DLGAP2: variants seen among roughly 807,000 people sequenced by gnomAD.
The protein encoded by DLGAP2 is DLG associated protein 2, also known as disks large-associated protein 2.
DLGAP2 carries 26 observed loss-of-function variants against 100.3 expected under a neutral mutation model. The observed-to-expected ratio is 0.26, with a 90% CI of 0.19 to 0.36. The LOEUF (loss-of-function observed/expected upper bound fraction) is 0.36, where lower values mean the gene tolerates loss of function less well. Ranked by LOEUF, DLGAP2 falls within the 10% of genes least tolerant of loss-of-function variation. The pLI is 1.00. For missense variants in DLGAP2, 1,858 were observed against 1,453.2 expected (o/e 1.28, Z -4.53); for synonymous variants, 886 against 630.1 (o/e 1.41, Z -6.08).
chr8:1,025,156 G>A (rs539182521), intron 2 of DLGAP2, among the ~76,000 whole-genome samples: 13 of 152,126 alleles, frequency 8.5e-5, no homozygotes, highest in South Asian at 2.1e-4. Flanking sequence ...GTGTGTGTGC[G>A]CACGTGTGTG....
At chr8:974,663 G>T (rs917946071) in intron 2 of DLGAP2, among the ~76,000 whole-genome samples, 2 of 152,100 alleles carry the variant, frequency 1.3e-5, no homozygotes, top group African/African-American at 2.4e-5. Flanking sequence ...CGTCAAAGAA[G>T]AAGTCTCAAG....
intron 2 of DLGAP2, among the ~76,000 whole-genome samples, chr8:1,056,858 C>T (rs1802896908): frequency 6.6e-6 from 1 of 152,234 alleles, no homozygotes; most frequent in South Asian, 2.1e-4. Context: ...TCTAATTGTA[C>T]CTGGTAGGTA....
intron 2 of DLGAP2, among the ~76,000 whole-genome samples, chr8:1,205,555 A>C: frequency 6.6e-6 from 1 of 152,098 alleles, no homozygotes; most frequent in East Asian, 1.9e-4. Context: ...TGCTCTTAGG[A>C]AGCACCCTGG....
At chr8:976,062 G>C (rs971648058) in intron 2 of DLGAP2, among the ~76,000 whole-genome samples, 5 of 152,056 alleles carry the variant, frequency 3.3e-5, no homozygotes, top group Admixed American at 2.6e-4. Context: ...ATAAAAAATT[G>C]GAATTCGAAA....
intron 13 of DLGAP2, among the ~76,000 whole-genome samples, chr8:1,696,510 C>A (rs3901160): frequency 0.17 from 25,483 of 152,062 alleles, 2,665 homozygotes; most frequent in East Asian, 0.3. Flanking sequence ...AAATAACATA[C>A]ATAAATGTAG....
chr8:1,221,131 A>G (rs976837444), intron 2 of DLGAP2, among the ~76,000 whole-genome samples: 28 of 152,088 alleles, frequency 1.8e-4, no homozygotes, highest in African/African-American at 6.3e-4. Flanking sequence ...TGAAGATTCA[A>G]TTATGTCATG....
chr8:1,173,822 CA>C (rs1306815628), intron 2 of DLGAP2, among the ~76,000 whole-genome samples: 6 of 152,220 alleles, frequency 3.9e-5, no homozygotes, highest in African/African-American at 1.4e-4. Context: ...CTCTCTGACC[CA>C]TTGCGCTTCC....
Position 1,554,999 on chromosome 8 carries a change from C to A in DLGAP2, c.1230+5316C>A, listed in dbSNP as rs115500101. On this transcript the variant is annotated intron_variant, in intron 5 of 14. Transcript: ENST00000637795. ...GTGCTCAGCAGAATGAAAGAACTGGCCAGCCTGGCTGTGCTCCACTCTAAT... is the reference window on the plus strand; with the variant it reads ...GTGCTCAGCAGAATGAAAGAACTGGACAGCCTGGCTGTGCTCCACTCTAAT... Among the ~76,000 whole-genome samples the A allele has an allele frequency of 5.1e-3, 780 of 152,278 alleles. 5 individuals carry two copies. Among genetic ancestry groups the A allele is most frequent in the African/African-American group, 0.018 (742 of 41,522 alleles).
intron 2 of DLGAP2, among the ~76,000 whole-genome samples, chr8:1,143,300 G>T (rs1796553369): frequency 6.6e-6 from 1 of 152,182 alleles, no homozygotes; most frequent in South Asian, 2.1e-4. Context: ...ATCCTAAGCA[G>T]GGTGTCTGTC....
At chr8:1,119,488 C>G (rs1028945093) in intron 2 of DLGAP2, among the ~76,000 whole-genome samples, 2 of 152,174 alleles carry the variant, frequency 1.3e-5, no homozygotes, top group Non-Finnish European at 2.9e-5. Flanking sequence ...GCACAAGGCC[C>G]ATTGCTTCTC....
At chr8:1,329,624 C>T (rs1351597787) in intron 3 of DLGAP2, among the ~76,000 whole-genome samples, 5 of 152,034 alleles carry the variant, frequency 3.3e-5, no homozygotes, top group African/African-American at 7.3e-5. Flanking sequence ...CTGGGGTAGC[C>T]GAGGGGAATG....
chr8:1,098,401 G>A (rs1474392056), intron 2 of DLGAP2, among the ~76,000 whole-genome samples: 1 of 152,232 alleles, frequency 6.6e-6, no homozygotes, highest in Non-Finnish European at 1.5e-5. Context: ...CCCGACGTGT[G>A]ACTGGCTCCT....
At chr8:1,069,414 A>C (rs1037738028) in intron 2 of DLGAP2, among the ~76,000 whole-genome samples, 18 of 152,158 alleles carry the variant, frequency 1.2e-4, no homozygotes, top group African/African-American at 4.1e-4. Flanking sequence ...TCCTCCGCAC[A>C]CTCCTGTCCT....
chr8:1,615,007 G>C (rs1038950143), intron 6 of DLGAP2, among the ~76,000 whole-genome samples: 1 of 152,236 alleles, frequency 6.6e-6, no homozygotes, highest in Admixed American at 6.5e-5. Flanking sequence ...GCTACCTGCT[G>C]CAGGAGGGCG....
At chr8:1,409,642 G>A (rs781521458) in intron 3 of DLGAP2, among the ~76,000 whole-genome samples, 13 of 152,208 alleles carry the variant, frequency 8.5e-5, no homozygotes, top group Non-Finnish European at 1.8e-4. Flanking sequence ...TGTCTGTGGT[G>A]GTGTTTCTGG....
chr8:1,409,946 C>T (rs996032979), intron 3 of DLGAP2, among the ~76,000 whole-genome samples: 4 of 152,212 alleles, frequency 2.6e-5, no homozygotes, highest in Admixed American at 2.0e-4. Flanking sequence ...ATCATATGAT[C>T]CAGTTCCGAA....
At chr8:1,391,857 C>G (rs55831993) in intron 3 of DLGAP2, among the ~76,000 whole-genome samples, 3 of 152,222 alleles carry the variant, frequency 2.0e-5, no homozygotes, top group East Asian at 1.9e-4. Context: ...CTCCAAGACC[C>G]GAGTATGTGT....
chr8:1,176,240 C>T (rs992793618), intron 2 of DLGAP2, among the ~76,000 whole-genome samples: 2 of 152,158 alleles, frequency 1.3e-5, no homozygotes, highest in African/African-American at 4.8e-5. Context: ...TTCAAACCAT[C>T]AGACCTCGTG....
At chr8:1,370,784 C>T (rs1436242544) in intron 3 of DLGAP2, among the ~76,000 whole-genome samples, 1 of 152,218 alleles carries the variant, frequency 6.6e-6, no homozygotes, top group Non-Finnish European at 1.5e-5. Flanking sequence ...TTACCACTGC[C>T]TGGCCTGGGG....
Sources: gnomAD v4.1 joint callset for allele counts (sites outside exome capture counted in the v4.1 genomes callset) on GRCh38, gnomAD v4.1.1 for gene constraint, MANE v1.5 for transcripts, NCBI Gene and HGNC (gene_info 2026-07-23, HGNC 2026-07-21) for gene names.